Variants in CNTN4 observed in about 807,000 individuals in gnomAD.
CNTN4 encodes contactin-4.
CNTN4 carries 77 observed loss-of-function variants against 122.5 expected under a neutral mutation model. The observed-to-expected ratio is 0.63, with a 90% CI of 0.52 to 0.76. The LOEUF (loss-of-function observed/expected upper bound fraction) is 0.76, where lower values mean the gene tolerates loss of function less well. Among genes scored for constraint, CNTN4 ranks in the 30% least tolerant of loss-of-function variants. The probability of loss-of-function intolerance (pLI) is 0.00; values close to 1 mark genes in which losing one functional copy is unlikely to be tolerated. For missense variants in CNTN4, 1,256 were observed against 1,259.1 expected (o/e 1.00, Z 0.04); for synonymous variants, 512 against 447.0 (o/e 1.15, Z -1.83).
At chr3:2,330,733 T>C (rs909287336) in intron 2 of CNTN4, among the ~76,000 whole-genome samples, 16 of 152,192 alleles carry the variant, frequency 1.1e-4, no homozygotes, top group African/African-American at 3.9e-4. Flanking sequence ...GCTGTATTTC[T>C]TCTTAGAGTA....
At chr3:2,970,314 C>T (rs1692775822) in intron 13 of CNTN4, among the ~76,000 whole-genome samples, 1 of 152,146 alleles carries the variant, frequency 6.6e-6, no homozygotes, top group South Asian at 2.1e-4. Context: ...CCAAGCTAGT[C>T]TCAAACTCCT....
At chr3:2,722,822 A>T (rs774971510) in intron 4 of CNTN4, among the ~76,000 whole-genome samples, 5 of 152,202 alleles carry the variant, frequency 3.3e-5, no homozygotes, top group African/African-American at 1.2e-4. Context: ...AAGGTTATAA[A>T]TCCCCTCTTT....
At chr3:2,360,619 C>T (rs1334716537) in intron 3 of CNTN4, among the ~76,000 whole-genome samples, 1 of 152,078 alleles carries the variant, frequency 6.6e-6, no homozygotes. Context: ...CCTCAGGAAA[C>T]TTAAAATCAT....
chr3:2,570,549 C>A (rs2079377872), intron 3 of CNTN4, among the ~76,000 whole-genome samples: 1 of 152,144 alleles, frequency 6.6e-6, no homozygotes, highest in Non-Finnish European at 1.5e-5. Context: ...ATATTTTCAA[C>A]TTTTCTTTGA....
At chr3:2,188,322 C>T (rs937693374) in intron 2 of CNTN4, among the ~76,000 whole-genome samples, 1 of 152,098 alleles carries the variant, frequency 6.6e-6, no homozygotes, top group Non-Finnish European at 1.5e-5. Flanking sequence ...TAGGCCTGGC[C>T]CCTCTCTTGT....
chr3:2,787,006 T>C (rs1327883169), intron 6 of CNTN4, among the ~76,000 whole-genome samples: 2 of 152,164 alleles, frequency 1.3e-5, no homozygotes, highest in East Asian at 3.9e-4. Flanking sequence ...GGGTTAGAAA[T>C]TGGTATAGTT....
chr3:2,895,752 G>A (rs1256465483), intron 10 of CNTN4, among the ~76,000 whole-genome samples: 1 of 152,032 alleles, frequency 6.6e-6, no homozygotes, highest in South Asian at 2.1e-4. Flanking sequence ...TCAAAAGGAG[G>A]GGCTGGGCGC....
chr3:3,010,613 T>C (rs13317119), intron 14 of CNTN4, among the ~76,000 whole-genome samples: 19,353 of 152,140 alleles, frequency 0.13, 1,409 homozygotes, highest in African/African-American at 0.2. Context: ...ATTATTTTTG[T>C]TATTTTGTTA....
chr3:2,588,284 T>C (rs1192607319), intron 4 of CNTN4, among the ~76,000 whole-genome samples: 2 of 152,188 alleles, frequency 1.3e-5, no homozygotes, highest in South Asian at 4.1e-4. Flanking sequence ...AGTGAGACTT[T>C]ATTTTTAGTT....
intron 12 of CNTN4, among the ~76,000 whole-genome samples, chr3:2,919,521 A>G (rs1021580130): frequency 6.6e-5 from 10 of 152,198 alleles, no homozygotes; most frequent in Admixed American, 4.6e-4. Context: ...CTGATGTTCT[A>G]ATAATAGCTA....
At chr3:2,847,831 T>C (rs150477606) in intron 7 of CNTN4, among the ~76,000 whole-genome samples, 3 of 152,330 alleles carry the variant, frequency 2.0e-5, no homozygotes, top group African/African-American at 7.2e-5. Context: ...TGCCAGTCTG[T>C]GCCAGTCTGC....
At chr3:2,475,298 T>G (rs1413709211) in intron 3 of CNTN4, among the ~76,000 whole-genome samples, 1 of 152,188 alleles carries the variant, frequency 6.6e-6, no homozygotes, top group Non-Finnish European at 1.5e-5. Context: ...CTTAGTTCTT[T>G]AAACTAAAGC....
At chr3:2,865,338 C>T (rs1403130910) in intron 7 of CNTN4, among the ~76,000 whole-genome samples, 1 of 152,158 alleles carries the variant, frequency 6.6e-6, no homozygotes, top group Non-Finnish European at 1.5e-5. Flanking sequence ...GTTGCACATT[C>T]AGTTGTTAAG....
intron 18 of CNTN4, 147 bp downstream of exon 18, chr3:3,037,475 G>A: frequency 9.0e-7 from 1 of 1,110,592 alleles, no homozygotes; most frequent in Non-Finnish European, 1.4e-6. Flanking sequence ...TAGAAATCAG[G>A]CCAGGAGAAG....
intron 2 of CNTN4, among the ~76,000 whole-genome samples, chr3:2,156,880 T>G (rs918328088): frequency 6.6e-6 from 1 of 152,294 alleles, no homozygotes; most frequent in Admixed American, 6.5e-5. Flanking sequence ...TCCTGGCTAT[T>G]TGGGGAGAGG....
chr3:2,202,556 G>A (rs555713326), intron 2 of CNTN4, among the ~76,000 whole-genome samples: 15 of 152,196 alleles, frequency 9.9e-5, no homozygotes, highest in African/African-American at 3.6e-4. Context: ...AAGTCTCAAG[G>A]TGATGGATTC....
intron 14 of CNTN4, among the ~76,000 whole-genome samples, chr3:3,009,724 C>G (rs1266386609): frequency 6.6e-6 from 1 of 152,204 alleles, no homozygotes; most frequent in African/African-American, 2.4e-5. Context: ...TGAGCCACCG[C>G]GCCCGGCCAG....
At chr3:2,988,016 T>C (rs1370174397) in intron 13 of CNTN4, among the ~76,000 whole-genome samples, 1 of 152,208 alleles carries the variant, frequency 6.6e-6, no homozygotes, top group Non-Finnish European at 1.5e-5. Flanking sequence ...CTAATGGTGA[T>C]CTACCGTAAG....
At chr3:2,357,316 A>G (rs1290223221) in intron 3 of CNTN4, among the ~76,000 whole-genome samples, 1 of 152,228 alleles carries the variant, frequency 6.6e-6, no homozygotes. Flanking sequence ...TAGGTGGGTT[A>G]CTTGCTTAAG....
Sources: gnomAD v4.1 joint callset for allele counts (sites outside exome capture counted in the v4.1 genomes callset) on GRCh38, gnomAD v4.1.1 for gene constraint, MANE v1.5 for transcripts, NCBI Gene and HGNC (gene_info 2026-07-23, HGNC 2026-07-21) for gene names.